DTL: variants seen among roughly 807,000 people sequenced by gnomAD.
DTL encodes denticleless E3 ubiquitin protein ligase adapter, also known as denticleless protein homolog.
DTL carries 46 observed loss-of-function variants against 87.0 expected under a neutral mutation model. That is an observed-to-expected ratio of 0.53 (90% CI 0.42 to 0.68). DTL has a LOEUF of 0.68. Ranked by LOEUF, DTL falls within the 30% of genes least tolerant of loss-of-function variation. The probability of loss-of-function intolerance (pLI) is 0.00; values close to 1 mark genes in which losing one functional copy is unlikely to be tolerated. For synonymous variants in DTL, 308 were observed against 311.2 expected (o/e 0.99, Z 0.11); for missense variants, 737 against 869.4 (o/e 0.85, Z 1.91).
intron 11 of DTL, among the ~76,000 whole-genome samples, chr1:212,076,459 G>A (rs1401439796): frequency 6.6e-6 from 1 of 151,982 alleles, no homozygotes; most frequent in African/African-American, 2.4e-5. Context: ...GGGTATTTAG[G>A]GGGTTTTTTG....
At chr1:212,043,261 AT>A (rs151288130) in intron 2 of DTL, 143 bp downstream of exon 2, 13,998 of 759,960 alleles carry the variant, frequency 0.018, 198 homozygotes, top group African/African-American at 0.045. Flanking sequence ...TTATCTTCTG[AT>A]TTATAAAATA....
At chr1:212,068,372 T>TTAAA in intron 9 of DTL, 45 bp downstream of exon 9, 1 of 952,316 alleles carries the variant, frequency 1.1e-6, no homozygotes, top group Admixed American at 2.8e-5. Context: ...AGTTTTTGTT[T>TTAAA]AAAAAAAAAA....
Position 212,066,769 on chromosome 1 carries a change from A to G in DTL, c.640-43A>G, listed in dbSNP as rs752638072. 3.8e-6 allele frequency: 6 copies of G among 1,587,278 alleles called. No homozygotes were observed. In the Admixed American group the frequency reaches 5.1e-5, roughly 13 times the overall value. ...CCTTGTTCCCTTGATGGTAAAGATTATGATGCCCAAGATAGAATCTTCTTC... is the reference window on the plus strand; with the variant it reads ...CCTTGTTCCCTTGATGGTAAAGATTGTGATGCCCAAGATAGAATCTTCTTC... On this transcript the variant is annotated intron_variant, in intron 7 of 14. Coordinates refer to ENST00000366991, the MANE Select transcript of DTL (RefSeq NM_016448.4).
chr1:212,057,517 C>T (rs1247312552), intron 5 of DTL, among the ~76,000 whole-genome samples: 5 of 151,900 alleles, frequency 3.3e-5, no homozygotes, highest in Non-Finnish European at 5.9e-5. Flanking sequence ...AGTCTTATAC[C>T]GGGAAGTGAA....
chr1:212,047,006 T>A, intron 3 of DTL, 145 bp from the exon 4 acceptor site: 1 of 692,040 alleles, frequency 1.4e-6, no homozygotes, highest in Non-Finnish European at 2.5e-6. Flanking sequence ...AAATGATATC[T>A]CATTGTGGTT....
At chr1:212,076,272 A>T (rs1447054272) in intron 11 of DTL, among the ~76,000 whole-genome samples, 1 of 152,150 alleles carries the variant, frequency 6.6e-6, no homozygotes, top group Non-Finnish European at 1.5e-5. Flanking sequence ...ATAATTGTTT[A>T]ACTTTCTGAG....
intron 5 of DTL, among the ~76,000 whole-genome samples, chr1:212,054,411 A>C (rs1316905): frequency 0.011 from 1,713 of 151,408 alleles, 32 homozygotes; most frequent in African/African-American, 0.039. Context: ...CACACACAAA[A>C]AAAAAAAAAA....
At chr1:212,092,651 TTTA>T (rs1655320216) in intron 13 of DTL, among the ~76,000 whole-genome samples, 1 of 152,266 alleles carries the variant, frequency 6.6e-6, no homozygotes, top group African/African-American at 2.4e-5. Context: ...CCACGTTTTC[TTTA>T]TCCACTTGTT....
Position 212,104,786 on chromosome 1 carries a change from C to T in DTL, c.*1846C>T, listed in dbSNP as rs1655728423. The T allele has an allele frequency of 6.6e-6, 1 of 152,124 alleles. No homozygotes were observed. The highest frequency in any genetic ancestry group is 1.5e-5 in the Non-Finnish European group (1 of 68,032). 9.4% of individuals were successfully genotyped at this position (152,124 alleles called of 1,614,324 possible). A position where few individuals can be genotyped will look rare whatever the true frequency, so the allele number is the denominator to read the frequency against. ...AGGTCAACTGTAATGAGATAATTAT[C>T]CCTGCCTGTGTCCATGTCAGACTTT... is the stretch of plus-strand genomic sequence containing the variant. On this transcript the variant is annotated 3_prime_UTR_variant, in exon 15 of 15. Coordinates refer to ENST00000366991, the MANE Select transcript of DTL (RefSeq NM_016448.4).
intron 13 of DTL, among the ~76,000 whole-genome samples, chr1:212,094,780 G>T (rs1655395335): frequency 6.6e-6 from 1 of 152,144 alleles, no homozygotes; most frequent in Non-Finnish European, 1.5e-5. Context: ...ATTTCTTTTA[G>T]CAGTGTTTTG....
rs748484396 is a variant in DTL, at chr1:212,044,635, A to G, written c.179-25A>G. On this transcript the variant is annotated intron_variant, in intron 2 of 14. Transcript: ENST00000366991. Reference sequence around the variant, plus strand: ...AAAAAAAAATTGTGTTACTCTATATATTTTTTTCTTTATTTCTGCTTTAGC... The same window carrying G: ...AAAAAAAAATTGTGTTACTCTATATGTTTTTTTCTTTATTTCTGCTTTAGC... The G allele has an allele frequency of 1.1e-5, 16 of 1,436,392 alleles. No homozygotes were observed. The South Asian group carries it at 2.0e-4, about 18-fold the overall frequency. 89.0% of individuals were successfully genotyped at this position (1,436,392 alleles called of 1,614,324 possible). A position where few individuals can be genotyped will look rare whatever the true frequency, so the allele number is the denominator to read the frequency against.
chr1:212,052,702 C>T (rs1211704051), intron 5 of DTL, among the ~76,000 whole-genome samples: 2 of 151,142 alleles, frequency 1.3e-5, no homozygotes, highest in East Asian at 3.9e-4. Flanking sequence ...CTCTCTCCTC[C>T]CTGCTTCTTC....
chr1:212,038,791 T>A (rs1667559389), intron 1 of DTL, among the ~76,000 whole-genome samples: 1 of 152,234 alleles, frequency 6.6e-6, no homozygotes, highest in Admixed American at 6.5e-5. Flanking sequence ...TCTAAAAGTT[T>A]TTATTATAAA....
At chr1:212,095,561 C>G (rs1381978422) in intron 13 of DTL, among the ~76,000 whole-genome samples, 2 of 152,152 alleles carry the variant, frequency 1.3e-5, no homozygotes, top group Non-Finnish European at 2.9e-5. Context: ...GTCTCAAACT[C>G]CTGACCTCAA....
At chr1:212,048,551 A>C (rs1667871615) in intron 5 of DTL, among the ~76,000 whole-genome samples, 2 of 152,186 alleles carry the variant, frequency 1.3e-5, no homozygotes, top group Non-Finnish European at 2.9e-5. Flanking sequence ...TCCTATGTTT[A>C]TATTGTTATA....
intron 5 of DTL, among the ~76,000 whole-genome samples, chr1:212,060,881 A>C (rs1171983676): frequency 6.6e-6 from 1 of 152,226 alleles, no homozygotes; most frequent in Non-Finnish European, 1.5e-5. Context: ...ACTCAAAAGC[A>C]CAGACAACAA....
At chr1:212,082,416 T>G (rs1041676268) in intron 13 of DTL, among the ~76,000 whole-genome samples, 3 of 152,014 alleles carry the variant, frequency 2.0e-5, no homozygotes, top group African/African-American at 7.2e-5. Context: ...TTTGCTGGGG[T>G]TTTTTTAAAT....
intron 13 of DTL, among the ~76,000 whole-genome samples, chr1:212,087,049 A>G (rs144304517): frequency 7.9e-5 from 12 of 152,354 alleles, no homozygotes; most frequent in East Asian, 3.9e-4. Context: ...TTTAGCCACT[A>G]TTGACTCCTA....
chr1:212,089,690 C>A (rs1334278449), intron 13 of DTL, among the ~76,000 whole-genome samples: 1 of 152,190 alleles, frequency 6.6e-6, no homozygotes, highest in Non-Finnish European at 1.5e-5. Context: ...AACAAAATTT[C>A]TTTGACCCCC....
Sources: gnomAD v4.1 joint callset for allele counts (sites outside exome capture counted in the v4.1 genomes callset) on GRCh38, gnomAD v4.1.1 for gene constraint, MANE v1.5 for transcripts, NCBI Gene and HGNC (gene_info 2026-07-23, HGNC 2026-07-21) for gene names.